Variants in DLGAP2 observed in about 807,000 individuals in gnomAD.
The protein encoded by DLGAP2 is disks large-associated protein 2.
A neutral mutation model predicts 100.3 loss-of-function variants in DLGAP2; 26 were observed. The observed-to-expected ratio is 0.26, with a 90% CI of 0.19 to 0.36. The LOEUF is 0.36. DLGAP2 is among the 10% of genes least tolerant of loss of function. The pLI is 1.00. For synonymous variants in DLGAP2, 886 were observed against 630.1 expected, an observed-to-expected ratio of 1.41 and a Z score of -6.08; for missense variants, 1,858 against 1,453.2, an observed-to-expected ratio of 1.28 and a Z score of -4.53.
At chr8:1,512,205 A>C (rs529349252) in intron 4 of DLGAP2, among the ~76,000 whole-genome samples, 1 of 152,360 alleles carries the variant, frequency 6.6e-6, no homozygotes, top group East Asian at 1.9e-4. Context: ...TGTTGCTAGC[A>C]AACAGATGTC....
At chr8:1,068,347 A>T (rs747357339) in intron 2 of DLGAP2, among the ~76,000 whole-genome samples, 1 of 152,242 alleles carries the variant, frequency 6.6e-6, no homozygotes, top group Non-Finnish European at 1.5e-5. Context: ...TTGTATGACA[A>T]GCATGTGCTT....
chr8:1,677,522 G>GAC (rs1196386344), intron 11 of DLGAP2, among the ~76,000 whole-genome samples: 6 of 152,042 alleles, frequency 3.9e-5, no homozygotes, highest in Non-Finnish European at 5.9e-5. Flanking sequence ...GACACAGAGA[G>GAC]ACACACACAC....
At chr8:1,353,857 A>G (rs980989926) in intron 3 of DLGAP2, among the ~76,000 whole-genome samples, 2 of 152,264 alleles carry the variant, frequency 1.3e-5, no homozygotes, top group Non-Finnish European at 2.9e-5. Flanking sequence ...TCTCAAATCA[A>G]TATGAAAAAT....
At chr8:739,898 G>A (rs2132554691) in intron 1 of DLGAP2, 1 of 152,340 alleles carries the variant, frequency 6.6e-6, no homozygotes, top group East Asian at 1.9e-4. Context: ...GGACCGAGGT[G>A]ACACAGAGCC....
intron 3 of DLGAP2, among the ~76,000 whole-genome samples, chr8:1,259,272 G>C (rs778243379): frequency 2.6e-5 from 4 of 152,166 alleles, no homozygotes; most frequent in Admixed American, 6.5e-5. Context: ...CCCGACTGTC[G>C]GTGGCTCAGC....
At chr8:1,516,587 G>C (rs1247707409) in intron 4 of DLGAP2, among the ~76,000 whole-genome samples, 1 of 151,440 alleles carries the variant, frequency 6.6e-6, no homozygotes, top group African/African-American at 2.4e-5. Flanking sequence ...GAATGAGTGA[G>C]TGAATGAGTG....
At chr8:845,223 GTT>G (rs1169400003) in intron 1 of DLGAP2, among the ~76,000 whole-genome samples, 1 of 152,192 alleles carries the variant, frequency 6.6e-6, no homozygotes, top group Non-Finnish European at 1.5e-5. Context: ...GTTTCAGACT[GTT>G]TTCCAAAGTT....
chr8:1,697,385 G>T, intron 14 of DLGAP2, 86 bp downstream of exon 14: 1 of 1,493,296 alleles, frequency 6.7e-7, no homozygotes, highest in Non-Finnish European at 9.0e-7. Context: ...CATGACAACG[G>T]GGTTCTCAGT....
intron 1 of DLGAP2, among the ~76,000 whole-genome samples, chr8:824,903 G>C (rs1377763499): frequency 6.6e-6 from 1 of 152,170 alleles, no homozygotes; most frequent in African/African-American, 2.4e-5. Context: ...CTCACTCCCT[G>C]AGGGGCCATG....
chr8:1,448,630 C>G (rs563067211), intron 3 of DLGAP2, among the ~76,000 whole-genome samples: 2 of 152,298 alleles, frequency 1.3e-5, no homozygotes, highest in South Asian at 4.1e-4. Context: ...CAAACAAACA[C>G]TATCACCCAC....
intron 1 of DLGAP2, among the ~76,000 whole-genome samples, chr8:786,544 C>T (rs781330906): frequency 6.6e-6 from 1 of 152,170 alleles, no homozygotes; most frequent in Non-Finnish European, 1.5e-5. Flanking sequence ...AGGCACTGCG[C>T]GGCCACAGAG....
At chr8:1,382,889 A>G (rs1796128624) in intron 3 of DLGAP2, among the ~76,000 whole-genome samples, 1 of 152,192 alleles carries the variant, frequency 6.6e-6, no homozygotes, top group Non-Finnish European at 1.5e-5. Context: ...AATTAAAATT[A>G]TGGAAGGGAT....
chr8:1,650,288 G>A (rs1313628332), intron 8 of DLGAP2, among the ~76,000 whole-genome samples: 1 of 152,220 alleles, frequency 6.6e-6, no homozygotes. Context: ...AGATTTAGAA[G>A]CTCCATATAC....
chr8:829,286 C>G (rs750139626), intron 1 of DLGAP2, among the ~76,000 whole-genome samples: 27 of 152,150 alleles, frequency 1.8e-4, no homozygotes, highest in Admixed American at 6.5e-5. Flanking sequence ...AGTTCTAGTT[C>G]AGATTTGTCA....
chr8:1,212,372 A>G (rs1798123088), intron 2 of DLGAP2, among the ~76,000 whole-genome samples: 1 of 152,250 alleles, frequency 6.6e-6, no homozygotes, highest in Non-Finnish European at 1.5e-5. Flanking sequence ...CCCATGGAGC[A>G]TTAAGAGAAC....
chr8:1,577,285 G>C (rs1464371360), intron 6 of DLGAP2, among the ~76,000 whole-genome samples: 2 of 152,112 alleles, frequency 1.3e-5, no homozygotes, highest in African/African-American at 4.8e-5. Context: ...AATTTTTTAA[G>C]GGGCTGGGCG....
intron 3 of DLGAP2, among the ~76,000 whole-genome samples, chr8:1,275,572 C>A (rs945837101): frequency 2.0e-5 from 3 of 151,098 alleles, no homozygotes; most frequent in South Asian, 4.2e-4. Flanking sequence ...ATTCCCAGAT[C>A]TTCACAAAGA....
chr8:1,101,604 A>G (rs949173001), intron 2 of DLGAP2, among the ~76,000 whole-genome samples: 9 of 151,802 alleles, frequency 5.9e-5, no homozygotes, highest in East Asian at 2.0e-4. Flanking sequence ...TGACACGACA[A>G]TGGGAAGGTC....
At chr8:1,216,911 T>G (rs1453389532) in intron 2 of DLGAP2, among the ~76,000 whole-genome samples, 1 of 152,194 alleles carries the variant, frequency 6.6e-6, no homozygotes, top group East Asian at 1.9e-4. Flanking sequence ...CAGGTACTGT[T>G]TCTCATTTAC....
Sources: allele counts gnomAD v4.1 joint callset (sites outside exome capture counted in the v4.1 genomes callset), GRCh38; gene constraint gnomAD v4.1.1; transcripts MANE v1.5; gene names NCBI Gene and HGNC (gene_info 2026-07-23, HGNC 2026-07-21).